The following SNTG1 variants were observed in gnomAD, a reference collection of about 807,000 sequenced individuals.
SNTG1 encodes syntrophin gamma 1.
Under a neutral mutation model 74.7 loss-of-function variants are expected in SNTG1, and 39 were observed. The observed-to-expected ratio is 0.52, with a 90% confidence interval of 0.40 to 0.68. SNTG1 has a LOEUF of 0.68. Among genes scored for constraint, SNTG1 ranks in the 30% least tolerant of loss-of-function variants. The pLI is 0.00. For synonymous variants in SNTG1, 254 were observed against 217.1 expected (o/e 1.17, Z -1.49); for missense variants, 685 against 609.5 (o/e 1.12, Z -1.30).
At chr8:50,103,392 A>T (rs1162308739) in intron 1 of SNTG1, among the ~76,000 whole-genome samples, 1 of 152,022 alleles carries the variant, frequency 6.6e-6, no homozygotes, top group African/African-American at 2.4e-5. Flanking sequence ...AATGCTTGTG[A>T]TTTTTGTACA....
intron 2 of SNTG1, among the ~76,000 whole-genome samples, chr8:50,383,903 G>A (rs2092531478): frequency 6.6e-6 from 1 of 152,192 alleles, no homozygotes. Context: ...GGAGTCCAAA[G>A]TGGCTGGGAG....
intron 1 of SNTG1, among the ~76,000 whole-genome samples, chr8:50,078,705 T>C (rs2131059961): frequency 6.6e-6 from 1 of 152,276 alleles, no homozygotes; most frequent in Middle Eastern, 3.4e-3. Context: ...AATGCTCTCC[T>C]TTCTCTAGCC....
At chr8:50,240,054 G>A (rs904327335) in intron 2 of SNTG1, among the ~76,000 whole-genome samples, 1 of 152,158 alleles carries the variant, frequency 6.6e-6, no homozygotes, top group African/African-American at 2.4e-5. Flanking sequence ...TGTAAAAACA[G>A]TTAATGCTAA....
rs56271555 is a variant in SNTG1, at chr8:50,381,668, T to TTATA, written c.-27-12535_-27-12532dup. Among the ~76,000 whole-genome samples the TTATA allele has an allele frequency of 7.2e-4, 73 of 101,830 alleles. 4 individuals are homozygous for TTATA. The highest frequency in any genetic ancestry group is 1.0e-3 in the Non-Finnish European group (54 of 53,790). 66.8% of individuals were successfully genotyped at this position (101,830 alleles called of 152,430 possible). On this transcript the variant is annotated intron_variant, in intron 2 of 18. Coordinates refer to ENST00000642720, the MANE Select transcript of SNTG1 (RefSeq NM_018967.5). Reference sequence around the variant, plus strand: ...TATATATATATATATATCCTATTAGTTATATATATATAGGATATATATATC... The same window carrying TTATA: ...TATATATATATATATATCCTATTAGTTATATATATATATATAGGATATATATATC...
chr8:49,982,603 CAAAAA>C (rs33971834), intron 1 of SNTG1, among the ~76,000 whole-genome samples: 1 of 126,338 alleles, frequency 7.9e-6, no homozygotes, highest in Admixed American at 8.2e-5. Context: ...GAGGCTGAAG[CAAAAA>C]AAAAAAAAAA....
chr8:50,418,497 C>T (rs566423409), intron 4 of SNTG1, among the ~76,000 whole-genome samples: 1 of 152,070 alleles, frequency 6.6e-6, no homozygotes, highest in African/African-American at 2.4e-5. Context: ...TTTTCTTTTA[C>T]TTTTTGCACT....
At chr8:50,053,623 T>TTGTGTGTGTGTGTGTGTG (rs60947505) in intron 1 of SNTG1, among the ~76,000 whole-genome samples, 1,832 of 134,396 alleles carry the variant, frequency 0.014, 37 homozygotes, top group South Asian at 0.038. Context: ...ATATATATAA[T>TTGTGTGTGTGTGTGTGTG]TGTGTGTGTG....
intron 9 of SNTG1, among the ~76,000 whole-genome samples, chr8:50,527,709 C>T (rs1437257559): frequency 1.3e-5 from 2 of 152,064 alleles, no homozygotes; most frequent in East Asian, 3.9e-4. Flanking sequence ...GGCTATTCTA[C>T]ATCTATTGTA....
At chr8:50,638,715 CAGT>C (rs2095054290) in intron 13 of SNTG1, among the ~76,000 whole-genome samples, 1 of 152,080 alleles carries the variant, frequency 6.6e-6, no homozygotes, top group African/African-American at 2.4e-5. Context: ...CGGTGTGTCT[CAGT>C]AGACATTCTT....
chr8:50,668,388 T>A (rs1586017027), intron 15 of SNTG1, among the ~76,000 whole-genome samples: 2 of 151,734 alleles, frequency 1.3e-5, no homozygotes, highest in South Asian at 4.2e-4. Context: ...TTCAAAGACA[T>A]CATTGTTTCA....
At chr8:50,050,715 C>T (rs1819497544) in intron 1 of SNTG1, among the ~76,000 whole-genome samples, 1 of 151,876 alleles carries the variant, frequency 6.6e-6, no homozygotes, top group South Asian at 2.1e-4. Context: ...GCTATAAAAA[C>T]CAGGCAAATA....
At chr8:50,607,160 G>T (rs2094818621) in intron 13 of SNTG1, among the ~76,000 whole-genome samples, 1 of 151,830 alleles carries the variant, frequency 6.6e-6, no homozygotes, top group Non-Finnish European at 1.5e-5. Flanking sequence ...ATATTTGGAA[G>T]TATTATTTAA....
intron 2 of SNTG1, among the ~76,000 whole-genome samples, chr8:50,370,719 A>G (rs891681408): frequency 6.6e-6 from 1 of 152,068 alleles, no homozygotes; most frequent in Admixed American, 6.6e-5. Flanking sequence ...TTCCAGACCT[A>G]TAACTAGACC....
rs193195329 is a variant in SNTG1 at position 50,315,272 on chromosome 8, G to A, written c.-27-78940G>A. Among the ~76,000 whole-genome samples the A allele has an allele frequency of 1.6e-4, 24 of 149,532 alleles. 4 individuals are homozygous for A. The South Asian group carries it at 3.1e-3, about 20-fold the overall frequency. The stretch of plus-strand genomic sequence containing the variant: ...ATTTTATTTCCCATATGTTGGCTAC[G>A]GAAAAGGAACAATATCATTGCTTTA... On this transcript the variant is annotated intron_variant, in intron 2 of 18. Transcript: ENST00000642720.
At chr8:50,320,894 T>A (rs28889699) in intron 2 of SNTG1, among the ~76,000 whole-genome samples, 11,305 of 152,204 alleles carry the variant, frequency 0.074, 463 homozygotes, top group African/African-American at 0.1. Flanking sequence ...CATTATTTCA[T>A]TTTGTTAAAT....
chr8:50,216,174 T>C (rs757911668), intron 2 of SNTG1, among the ~76,000 whole-genome samples: 26 of 152,172 alleles, frequency 1.7e-4, no homozygotes, highest in Non-Finnish European at 8.8e-5. Flanking sequence ...TTCTGTATCT[T>C]TCCATGTAAG....
In SNTG1 at chr8:50,704,356, G is replaced by T. The variant is rs1259285096; in HGVS notation, c.1039-244G>T. Among the ~76,000 whole-genome samples, 3 of 152,200 alleles carry T rather than the reference G, an allele frequency of 2.0e-5. No homozygotes were observed. The East Asian group carries it at 5.8e-4, about 29-fold the overall frequency. On this transcript the variant is annotated intron_variant, in intron 15 of 18. Transcript: ENST00000642720. ...AAATGCTTTGGTGGTTATATTGTTAGTAAGAGATGAAGCCAGAAACCCTAA... is the reference window on the plus strand; with the variant it reads ...AAATGCTTTGGTGGTTATATTGTTATTAAGAGATGAAGCCAGAAACCCTAA...
intron 1 of SNTG1, among the ~76,000 whole-genome samples, chr8:49,987,976 G>T (rs1014778015): frequency 1.1e-4 from 17 of 152,030 alleles, no homozygotes; most frequent in African/African-American, 3.4e-4. Context: ...AATTACCTTT[G>T]CACGAACCTA....
At chr8:50,711,630 T>A (rs528564168) in intron 17 of SNTG1, among the ~76,000 whole-genome samples, 2 of 152,338 alleles carry the variant, frequency 1.3e-5, no homozygotes, top group South Asian at 2.1e-4. Flanking sequence ...GAGGGATGTC[T>A]GGGAATGTCG....
Sources: allele counts gnomAD v4.1 joint callset (sites outside exome capture counted in the v4.1 genomes callset), GRCh38; gene constraint gnomAD v4.1.1; transcripts MANE v1.5; gene names NCBI Gene and HGNC (gene_info 2026-07-23, HGNC 2026-07-21).